The following APLP2 variants were observed in gnomAD, a reference collection of about 807,000 sequenced individuals.
APLP2 encodes the protein CDEI box-binding protein.
In APLP2, 53 loss-of-function variants were observed where a neutral mutation model predicts 89.9. The ratio of observed to expected loss-of-function variants is 0.59; its 90% confidence interval spans 0.47 to 0.74. APLP2 has a LOEUF of 0.74. Among genes scored for constraint, APLP2 ranks in the 30% least tolerant of loss-of-function variants. The pLI is 0.00. For missense variants in APLP2, 973 were observed against 975.9 expected (o/e 1.00, Z 0.04); for synonymous variants, 372 against 348.6 (o/e 1.07, Z -0.75).
intron 1 of APLP2, among the ~76,000 whole-genome samples, chr11:130,079,048 C>T (rs192414821): frequency 1.3e-5 from 2 of 151,982 alleles, no homozygotes; most frequent in South Asian, 2.1e-4. Flanking sequence ...TTTCAAATAC[C>T]TAGTTTTCCA....
At chr11:130,099,986 AT>A (rs1482076967) in intron 1 of APLP2, among the ~76,000 whole-genome samples, 2 of 152,250 alleles carry the variant, frequency 1.3e-5, no homozygotes, top group African/African-American at 4.8e-5. Flanking sequence ...TGTTTTGTAG[AT>A]TAAAAAATTA....
chr11:130,118,069 T>TC (rs1429235099), intron 3 of APLP2, among the ~76,000 whole-genome samples: 1 of 135,396 alleles, frequency 7.4e-6, no homozygotes. Context: ...AGAGCGAGAC[T>TC]CCATCTCAAA....
At chr11:130,140,568 G>A (rs755487153) in intron 14 of APLP2, 85 bp downstream of exon 14, 5 of 1,140,796 alleles carry the variant, frequency 4.4e-6, no homozygotes, top group Non-Finnish European at 6.2e-6. Context: ...GCTTCCAGGT[G>A]CACGTCTCTG....
At chr11:130,139,785 C>T (rs149254990) in intron 13 of APLP2, 2 of 152,480 alleles carry the variant, frequency 1.3e-5, no homozygotes, top group East Asian at 3.9e-4. Context: ...AGGATATGAG[C>T]ATCTAGGATC....
intron 1 of APLP2, among the ~76,000 whole-genome samples, chr11:130,105,387 C>G (rs1947538526): frequency 6.6e-6 from 1 of 151,842 alleles, no homozygotes; most frequent in African/African-American, 2.4e-5. Flanking sequence ...TTGCACTCCA[C>G]GTGGGTGACA....
chr11:130,121,556 G>A (rs974338699), intron 4 of APLP2, 58 bp from the exon 5 acceptor site: 12 of 1,525,232 alleles, frequency 7.9e-6, no homozygotes, highest in Admixed American at 2.0e-5. Context: ...AGATCGGAGT[G>A]TATTTGACCA....
rs1052259018 is a variant in APLP2, at chr11:130,122,471, G to A, written c.880G>A (p.Asp294Asn). 12 of 1,614,006 alleles carry A rather than the reference G, an allele frequency of 7.4e-6. No homozygotes were observed. Among genetic ancestry groups the A allele is most frequent in the East Asian group, 6.7e-5 (3 of 44,898 alleles). ...NEENPTEPGS[D>N]GTMSDKEITH... ...GGAGAATCCTACTGAACCCGGCAGC[G>A]ACGGCACCATGTCAGACAAGGAAAT... The change falls in exon 6 of 17, where the codon GAC (aspartate) becomes AAC (asparagine). Residue 294 changes from aspartate to asparagine, a missense_variant. Physicochemically the swap from Asp to Asn is conservative, Grantham distance 23 (BLOSUM62 1). Transcript: ENST00000338167.
chr11:130,076,216 A>G (rs1156974729), intron 1 of APLP2, among the ~76,000 whole-genome samples: 1 of 152,054 alleles, frequency 6.6e-6, no homozygotes, highest in Non-Finnish European at 1.5e-5. Context: ...CTGGGATTAC[A>G]GGTGTGCGCC....
At chr11:130,078,266 T>G (rs188007035) in intron 1 of APLP2, among the ~76,000 whole-genome samples, 125 of 152,240 alleles carry the variant, frequency 8.2e-4, no homozygotes, top group African/African-American at 2.9e-3. Context: ...CCACGTGTAT[T>G]GAGTGTAGCT....
intron 1 of APLP2, chr11:130,102,001 G>A (rs1478481091): frequency 8.8e-6 from 4 of 456,148 alleles, no homozygotes; most frequent in East Asian, 1.4e-4. Context: ...TGAGATTAAT[G>A]TAGGTGTCTG....
At position 130,069,943 on chromosome 11, in the gene APLP2, C is replaced by A; in HGVS notation, c.-35C>A. On this transcript the variant is annotated 5_prime_UTR_variant, in exon 1 of 17. Transcript: ENST00000338167. Reference sequence around the variant, plus strand: ...TAAGCGAGGAGTCCGAGTGTGTGAGCTTGAGAGCCGCGCGCTAGAGCGACC... The same window carrying A: ...TAAGCGAGGAGTCCGAGTGTGTGAGATTGAGAGCCGCGCGCTAGAGCGACC... The A allele has an allele frequency of 6.8e-7, 1 of 1,466,478 alleles. No individual in the cohort carries two copies. The highest frequency in any genetic ancestry group is 9.1e-7 in the Non-Finnish European group (1 of 1,100,018). The allele number at this position is 1,466,478 out of a possible 1,614,324, so 90.8% of individuals were successfully genotyped here. A position where few individuals can be genotyped will look rare whatever the true frequency, so the allele number is the denominator to read the frequency against.
intron 7 of APLP2, among the ~76,000 whole-genome samples, chr11:130,126,449 A>T (rs1950373277): frequency 6.6e-6 from 1 of 152,214 alleles, no homozygotes; most frequent in South Asian, 2.1e-4. Flanking sequence ...TCTTAAGTAG[A>T]TGCCTCACTG....
chr11:130,092,578 G>T (rs1261477806), intron 1 of APLP2, among the ~76,000 whole-genome samples: 4 of 148,546 alleles, frequency 2.7e-5, no homozygotes, highest in African/African-American at 1.0e-4. Context: ...AGGCGTGGCG[G>T]CGCGTGCCTG....
intron 1 of APLP2, among the ~76,000 whole-genome samples, chr11:130,089,745 C>T (rs928800180): frequency 1.4e-4 from 22 of 152,248 alleles, no homozygotes; most frequent in African/African-American, 5.1e-4. Context: ...TCTGAAGGCA[C>T]TAACAAAGGG....
At chr11:130,079,467 A>G (rs1942777746) in intron 1 of APLP2, among the ~76,000 whole-genome samples, 1 of 152,032 alleles carries the variant, frequency 6.6e-6, no homozygotes, top group Non-Finnish European at 1.5e-5. Flanking sequence ...CTGCATAGAG[A>G]TCTTGTGTAT....
intron 13 of APLP2, chr11:130,137,154 A>G (rs1951723327): frequency 9.4e-7 from 1 of 1,059,316 alleles, no homozygotes; most frequent in Non-Finnish European, 1.4e-6. Context: ...TGTTCACATT[A>G]TAGAGAAATT....
At chr11:130,076,016 AT>A (rs1484563100) in intron 1 of APLP2, among the ~76,000 whole-genome samples, 3 of 152,140 alleles carry the variant, frequency 2.0e-5, no homozygotes, top group Admixed American at 2.0e-4. Flanking sequence ...CCATTGATTT[AT>A]TTTTTTCTTT....
intron 1 of APLP2, among the ~76,000 whole-genome samples, chr11:130,077,072 A>G (rs1942265970): frequency 6.6e-6 from 1 of 152,240 alleles, no homozygotes; most frequent in African/African-American, 2.4e-5. Context: ...GTGAGAACCC[A>G]GTGTCTGCTA....
At chr11:130,070,737 A>C in intron 1 of APLP2, 1 of 1,456,580 alleles carries the variant, frequency 6.9e-7, no homozygotes, top group Non-Finnish European at 9.0e-7. Context: ...GACCGAGGAA[A>C]CCCGCTCTGG....
Sources: allele counts gnomAD v4.1 joint callset (sites outside exome capture counted in the v4.1 genomes callset), GRCh38; gene constraint gnomAD v4.1.1; transcripts MANE v1.5; gene names NCBI Gene and HGNC (gene_info 2026-07-23, HGNC 2026-07-21).